The following KLHL14 variants were observed in gnomAD, a reference collection of about 807,000 sequenced individuals.
KLHL14 encodes the protein kelch-like protein 14.
KLHL14 carries 22 observed loss-of-function variants against 64.3 expected under a neutral mutation model. That is an observed-to-expected ratio of 0.34 (90% CI 0.24 to 0.49). The LOEUF (loss-of-function observed/expected upper bound fraction) is 0.49. Ranked by LOEUF, KLHL14 falls within the 20% of genes least tolerant of loss-of-function variation. The probability of loss-of-function intolerance (pLI) is 0.99; values close to 1 mark genes in which losing one functional copy is unlikely to be tolerated. For missense variants in KLHL14, 661 were observed against 789.0 expected (o/e 0.84, Z 1.94); for synonymous variants, 322 against 333.4 (o/e 0.97, Z 0.37).
intron 3 of KLHL14, among the ~76,000 whole-genome samples, chr18:32,704,403 A>G (rs781145245): frequency 2.0e-5 from 3 of 151,916 alleles, no homozygotes; most frequent in Non-Finnish European, 4.4e-5. Context: ...TTGAAAACCT[A>G]CAAGGTATCA....
At chr18:32,768,900 T>A (rs1764281289) in intron 2 of KLHL14, among the ~76,000 whole-genome samples, 1 of 152,116 alleles carries the variant, frequency 6.6e-6, no homozygotes, top group South Asian at 2.1e-4. Flanking sequence ...CACTCCTCCA[T>A]CCCAATTTTC....
At chr18:32,706,832 T>C (rs2049993001) in intron 3 of KLHL14, among the ~76,000 whole-genome samples, 1 of 152,106 alleles carries the variant, frequency 6.6e-6, no homozygotes, top group Admixed American at 6.5e-5. Context: ...GCACAATTCT[T>C]GGATCAGATG....
intron 2 of KLHL14, among the ~76,000 whole-genome samples, chr18:32,768,193 T>A (rs2050356681): frequency 6.6e-6 from 1 of 152,178 alleles, no homozygotes; most frequent in African/African-American, 2.4e-5. Flanking sequence ...TGTCCTATTA[T>A]CATCTTTTGA....
intron 3 of KLHL14, 132 bp downstream of exon 3, chr18:32,741,796 C>T (rs2050199769): frequency 1.8e-6 from 2 of 1,112,606 alleles, no homozygotes; most frequent in Admixed American, 3.3e-5. Context: ...CCCGGTGATA[C>T]ATAAACAAAC....
chr18:32,693,932 T>G (rs1188140680), intron 4 of KLHL14, among the ~76,000 whole-genome samples: 1 of 152,234 alleles, frequency 6.6e-6, no homozygotes, highest in Admixed American at 6.5e-5. Flanking sequence ...GATGTGCCTT[T>G]GATTAGAAAT....
rs548119067 is a variant in KLHL14 at position 32,723,775 on chromosome 18, G to C, written c.1069+18153C>G. Among the ~76,000 whole-genome samples, 8 of 152,262 alleles carry C rather than the reference G, an allele frequency of 5.3e-5. No homozygotes were observed. In the East Asian group the frequency reaches 1.4e-3, roughly 26 times the overall value. On this transcript the variant is annotated intron_variant, in intron 3 of 8. Transcript: ENST00000359358. ...TCTTACTAGCACCAGGGGTTGGAGA[G>C]GGGGGTACACTAGTTCTAAGATATT...
intron 2 of KLHL14, among the ~76,000 whole-genome samples, chr18:32,765,422 C>T (rs975874632): frequency 1.3e-5 from 2 of 152,040 alleles, no homozygotes; most frequent in African/African-American, 2.4e-5. Flanking sequence ...TTTTAATTGC[C>T]TTCTGATTGT....
At chr18:32,684,069 C>T (rs912389580) in intron 5 of KLHL14, among the ~76,000 whole-genome samples, 1 of 151,974 alleles carries the variant, frequency 6.6e-6, no homozygotes, top group Admixed American at 6.6e-5. Context: ...GTAAGATCTC[C>T]ATAAGAATAA....
At chr18:32,689,082 C>G (rs761294902) in intron 4 of KLHL14, among the ~76,000 whole-genome samples, 8 of 151,938 alleles carry the variant, frequency 5.3e-5, no homozygotes, top group Non-Finnish European at 1.2e-4. Context: ...GTGGGGAAGA[C>G]CAAGGAGGAG....
chr18:32,686,068 G>C (rs2049876454), intron 5 of KLHL14, among the ~76,000 whole-genome samples: 1 of 149,520 alleles, frequency 6.7e-6, no homozygotes, highest in South Asian at 2.1e-4. Context: ...CTGGAGTGCA[G>C]TGGCGCAATC....
Position 32,756,870 on chromosome 18 carries a change from A to G in KLHL14, c.947+12775T>C, listed in dbSNP as rs148373822. Among the ~76,000 whole-genome samples, 1,187 of 152,342 alleles carry G rather than the reference A, an allele frequency of 7.8e-3. 11 individuals carry two copies. Among genetic ancestry groups the G allele is most frequent in the African/African-American group, 0.016 (650 of 41,576 alleles). ...AGGGAAGAAGATATCTTCTAAAGAC[A>G]AAAACATGTGACTAATTTCTAGAGG... On this transcript the variant is annotated intron_variant, in intron 2 of 8. Coordinates refer to ENST00000359358, the MANE Select transcript of KLHL14 (RefSeq NM_020805.3).
chr18:32,764,856 C>T (rs543870285), intron 2 of KLHL14, among the ~76,000 whole-genome samples: 6 of 152,172 alleles, frequency 3.9e-5, no homozygotes, highest in Non-Finnish European at 8.8e-5. Flanking sequence ...AAATTGCTGA[C>T]CCCTGGCCTG....
rs147661052 is a variant in KLHL14 at position 32,769,899 on chromosome 18, G to C, written c.693C>G (p.Pro231=). The change falls in exon 2 of 9, where the codon CCC becomes CCG. Residue 231 remains proline, a synonymous_variant. Transcript: ENST00000359358. The part of the protein sequence containing the change: ...MRALLDSLPP[P]VESELALFQM... The stretch of plus-strand genomic sequence containing the variant: ...GGAAGAGCGCCAGCTCCGACTCCAC[G>C]GGGGGCGGCAGCGAGTCCAGCAGGG... The C allele has an allele frequency of 1.2e-6, 2 of 1,614,054 alleles. No homozygotes were observed. Among genetic ancestry groups the C allele is most frequent in the South Asian group, 1.1e-5 (1 of 91,080 alleles).
chr18:32,761,769 C>A (rs1013723460), intron 2 of KLHL14, among the ~76,000 whole-genome samples: 1 of 152,156 alleles, frequency 6.6e-6, no homozygotes, highest in Non-Finnish European at 1.5e-5. Context: ...GAACTTAGCT[C>A]AGAGCTTGAT....
chr18:32,711,254 A>G (rs2050017684), intron 3 of KLHL14, among the ~76,000 whole-genome samples: 3 of 152,202 alleles, frequency 2.0e-5, no homozygotes, highest in Non-Finnish European at 2.9e-5. Flanking sequence ...GGGGGACAGC[A>G]AAAGAAAAAG....
chr18:32,695,571 A>G lies in KLHL14; in HGVS notation c.1070-19T>C. 1 of 1,507,582 alleles carries G rather than the reference A, an allele frequency of 6.6e-7. No individual in the cohort carries two copies. The highest frequency in any genetic ancestry group is 9.1e-7 in the Non-Finnish European group (1 of 1,095,248). 93.4% of individuals were successfully genotyped at this position (1,507,582 alleles called of 1,614,324 possible). A position where few individuals can be genotyped will look rare whatever the true frequency, so the allele number is the denominator to read the frequency against. ...GGCATAACTGAAATTAAGAAAAAAA[A>G]AAAAGACATATGAAATTTTCCATCT... On this transcript the variant is annotated intron_variant, in intron 3 of 8. Coordinates refer to ENST00000359358, the MANE Select transcript of KLHL14 (RefSeq NM_020805.3).
chr18:32,710,173 T>C (rs1330654315), intron 3 of KLHL14, among the ~76,000 whole-genome samples: 1 of 152,220 alleles, frequency 6.6e-6, no homozygotes, highest in Non-Finnish European at 1.5e-5. Context: ...ACAAACAAAC[T>C]GTAAAAGGTT....
intron 2 of KLHL14, among the ~76,000 whole-genome samples, chr18:32,752,778 CTTTTTTTT>C (rs61338140): frequency 1.0e-5 from 1 of 95,442 alleles, no homozygotes. Flanking sequence ...AATGTGGGAA[CTTTTTTTT>C]TTTTTTTTTT....
chr18:32,710,659 T>C (rs1024571935), intron 3 of KLHL14, among the ~76,000 whole-genome samples: 3 of 152,112 alleles, frequency 2.0e-5, no homozygotes, highest in Non-Finnish European at 4.4e-5. Flanking sequence ...AATGATGTAA[T>C]AGAGGTCCAA....
Sources: gnomAD v4.1 joint callset for allele counts (sites outside exome capture counted in the v4.1 genomes callset) on GRCh38, gnomAD v4.1.1 for gene constraint, MANE v1.5 for transcripts, NCBI Gene and HGNC (gene_info 2026-07-23, HGNC 2026-07-21) for gene names.